PPP1R9A: variants seen among roughly 807,000 people sequenced by gnomAD.
PPP1R9A encodes the protein neurabin-1.
Under a neutral mutation model 141.9 loss-of-function variants are expected in PPP1R9A, and 59 were observed. The observed-to-expected ratio is 0.42, with a 90% CI of 0.34 to 0.52. The LOEUF (loss-of-function observed/expected upper bound fraction) is 0.52. Among genes scored for constraint, PPP1R9A ranks in the 20% least tolerant of loss-of-function variants. The pLI is 0.10. For missense variants in PPP1R9A, 1,444 were observed against 1,611.9 expected, an observed-to-expected ratio of 0.90 and a Z score of 1.78; for synonymous variants, 500 against 569.7, an observed-to-expected ratio of 0.88 and a Z score of 1.74.
intron 2 of PPP1R9A, among the ~76,000 whole-genome samples, chr7:95,097,511 A>G (rs746865946): frequency 6.6e-5 from 10 of 152,106 alleles, no homozygotes; most frequent in Non-Finnish European, 1.0e-4. Flanking sequence ...CTTTTTCACT[A>G]TTTCTTAAGT....
rs181296734 is a variant in PPP1R9A at position 95,251,535 on chromosome 7, C to T, written c.2397-227C>T. Among the ~76,000 whole-genome samples, 197 of 152,208 alleles carry T rather than the reference C, an allele frequency of 1.3e-3. 2 individuals are homozygous for T. In the South Asian group the frequency reaches 0.018, roughly 14 times the overall value. ...ATGGGTGTTCTAGAATCAGGAGCTA[C>T]GAAAGAAAATTATAGTAAGCAGAAT... On this transcript the variant is annotated intron_variant, in intron 10 of 19. Coordinates refer to ENST00000433360, the MANE Select transcript of PPP1R9A (RefSeq NM_001166160.2).
At chr7:95,202,825 G>C (rs1789875961) in intron 6 of PPP1R9A, among the ~76,000 whole-genome samples, 1 of 151,982 alleles carries the variant, frequency 6.6e-6, no homozygotes, top group Non-Finnish European at 1.5e-5. Context: ...TGCAGGCTTA[G>C]ACTGGAAATA....
intron 2 of PPP1R9A, among the ~76,000 whole-genome samples, chr7:95,044,295 T>G (rs1395195961): frequency 6.6e-6 from 1 of 152,196 alleles, no homozygotes; most frequent in Non-Finnish European, 1.5e-5. Context: ...TCTCCTCCTC[T>G]ACCTTAACTG....
At chr7:94,942,406 G>A (rs1795426111) in intron 2 of PPP1R9A, among the ~76,000 whole-genome samples, 1 of 152,120 alleles carries the variant, frequency 6.6e-6, no homozygotes, top group South Asian at 2.1e-4. Flanking sequence ...ACAGAGGTTG[G>A]CAAACTATGG....
chr7:95,104,573 C>T (rs1819250959), intron 2 of PPP1R9A, among the ~76,000 whole-genome samples: 1 of 152,118 alleles, frequency 6.6e-6, no homozygotes, highest in Non-Finnish European at 1.5e-5. Context: ...AGTGTTTACC[C>T]TAAATTGTCT....
chr7:95,266,423 C>T (rs776908056), intron 12 of PPP1R9A, among the ~76,000 whole-genome samples: 3 of 151,806 alleles, frequency 2.0e-5, no homozygotes, highest in East Asian at 1.9e-4. Context: ...AGACTAGTCA[C>T]GTCATATATG....
chr7:95,148,688 C>CAAA (rs80065854), intron 4 of PPP1R9A, among the ~76,000 whole-genome samples: 6 of 69,746 alleles, frequency 8.6e-5, no homozygotes, highest in African/African-American at 2.3e-4. Context: ...TCTAAAAATA[C>CAAA]AAAAAAAAAA....
chr7:95,269,358 T>C lies in PPP1R9A; in HGVS notation c.2975T>C (p.Phe992Ser). Residue 992 changes from phenylalanine (F) to serine (S), a missense_variant, in exon 14 of 20, where the codon TTT (phenylalanine) becomes TCT (serine). Physicochemically the swap from Phe to Ser is radical, Grantham distance 155 (BLOSUM62 -2). This residue lies in a region of PPP1R9A where 459 missense variants were observed against 513.8 expected (regional missense o/e 0.89). Coordinates refer to ENST00000433360, the MANE Select transcript of PPP1R9A (RefSeq NM_001166160.2). ...TTCTCGTCTGACCACATAGCTGAAT[T>C]TCAAGAAGAACCACTGGACCCAGAA... ...VPFSSDHIAE[F>S]QEEPLDPEMG... The C allele has an allele frequency of 6.3e-7, 1 of 1,598,496 alleles. No homozygotes were observed. Among genetic ancestry groups the C allele is most frequent in the Non-Finnish European group, 8.5e-7 (1 of 1,179,402 alleles).
chr7:95,167,748 T>C (rs535946099), intron 5 of PPP1R9A, among the ~76,000 whole-genome samples: 21 of 152,016 alleles, frequency 1.4e-4, no homozygotes, highest in African/African-American at 5.1e-4. Flanking sequence ...GTGCTGTTTC[T>C]ATACAAAAAT....
chr7:95,181,659 ATATATATAGAATATATATATATT>A lies in PPP1R9A; in HGVS notation c.1755-16689_1755-16667del, dbSNP rs1197887599. Among the ~76,000 whole-genome samples the A allele has an allele frequency of 1.5e-3, 211 of 136,802 alleles. 13 individuals carry two copies. The highest frequency in any genetic ancestry group is 5.1e-3 in the African/African-American group (190 of 36,906). 89.7% of individuals were successfully genotyped at this position (136,802 alleles called of 152,430 possible). A position where few individuals can be genotyped will look rare whatever the true frequency, so the allele number is the denominator to read the frequency against. On this transcript the variant is annotated intron_variant, in intron 5 of 19. Transcript: ENST00000433360. ...ATATAGAATATATATATTCCGTCAC[ATATATATAGAATATATATATATT>A]CCGTCACATATATATAGAATATATA...
chr7:94,939,221 C>G (rs1020037055), intron 2 of PPP1R9A, among the ~76,000 whole-genome samples: 1 of 151,874 alleles, frequency 6.6e-6, no homozygotes, highest in Non-Finnish European at 1.5e-5. Context: ...GATAATAATA[C>G]TTTTTCACAG....
chr7:95,125,095 G>A (rs1484445959), intron 4 of PPP1R9A, among the ~76,000 whole-genome samples: 1 of 152,098 alleles, frequency 6.6e-6, no homozygotes, highest in Admixed American at 6.6e-5. Context: ...TAAACTTACA[G>A]GGTGCTCAAT....
intron 5 of PPP1R9A, among the ~76,000 whole-genome samples, chr7:95,182,475 C>A (rs1253906706): frequency 6.6e-6 from 1 of 152,068 alleles, no homozygotes; most frequent in African/African-American, 2.4e-5. Context: ...AAGATCATTT[C>A]CATTTGAAAT....
intron 12 of PPP1R9A, among the ~76,000 whole-genome samples, chr7:95,261,343 G>T (rs780390553): frequency 2.0e-5 from 3 of 152,138 alleles, no homozygotes; most frequent in Non-Finnish European, 4.4e-5. Flanking sequence ...AGAGTATCAG[G>T]TCCATCAGGT....
intron 4 of PPP1R9A, among the ~76,000 whole-genome samples, chr7:95,148,255 G>C (rs1237604419): frequency 6.6e-6 from 1 of 152,046 alleles, no homozygotes; most frequent in Non-Finnish European, 1.5e-5. Flanking sequence ...GAGAAAGTCA[G>C]TAACACCAAA....
At chr7:95,081,990 T>A (rs1260968309) in intron 2 of PPP1R9A, among the ~76,000 whole-genome samples, 2 of 152,192 alleles carry the variant, frequency 1.3e-5, no homozygotes, top group Non-Finnish European at 2.9e-5. Flanking sequence ...GCTTATAGTA[T>A]TGGATTGCCT....
intron 12 of PPP1R9A, among the ~76,000 whole-genome samples, chr7:95,258,344 G>A (rs893263158): frequency 5.3e-5 from 8 of 151,988 alleles, no homozygotes; most frequent in East Asian, 3.9e-4. Context: ...CATATCCTTC[G>A]CCCACTTTTT....
chr7:95,068,849 C>T (rs1411591675), intron 2 of PPP1R9A, among the ~76,000 whole-genome samples: 2 of 152,146 alleles, frequency 1.3e-5, no homozygotes, highest in Admixed American at 6.5e-5. Flanking sequence ...CCAATGAGTT[C>T]ACCTTGCCCA....
chr7:94,929,373 T>G (rs1249054446), intron 2 of PPP1R9A, among the ~76,000 whole-genome samples: 2 of 152,164 alleles, frequency 1.3e-5, no homozygotes. Context: ...TGGAGGCAAG[T>G]TCCAGGAAAC....
Sources: allele counts gnomAD v4.1 joint callset (sites outside exome capture counted in the v4.1 genomes callset), GRCh38; gene constraint gnomAD v4.1.1; regional missense constraint gnomAD v4.1.1; transcripts MANE v1.5; gene names NCBI Gene and HGNC (gene_info 2026-07-23, HGNC 2026-07-21).